The following ARAP2 variants were observed in gnomAD, a reference collection of about 807,000 sequenced individuals.
ARAP2 encodes the protein arf-GAP with Rho-GAP domain, ANK repeat and PH domain-containing protein 2.
In ARAP2, 148 loss-of-function variants were observed where a neutral mutation model predicts 194.5. That is an observed-to-expected ratio of 0.76 (90% confidence interval 0.67 to 0.87). The LOEUF is 0.87. Among genes scored for constraint, ARAP2 ranks in the 40% least tolerant of loss-of-function variants. The pLI, the probability that ARAP2 is intolerant of heterozygous loss-of-function variation, is 0.00. For synonymous variants in ARAP2, 695 were observed against 683.5 expected (o/e 1.02, Z -0.26); for missense variants, 2,128 against 1,989.7 (o/e 1.07, Z -1.32).
intron 1 of ARAP2, among the ~76,000 whole-genome samples, 192 bp from the exon 2 acceptor site, chr4:36,229,837 T>G (rs759057653): frequency 1.3e-5 from 2 of 152,166 alleles, no homozygotes; most frequent in Non-Finnish European, 2.9e-5. Flanking sequence ...AGAAATGCTA[T>G]GACAGCATCA....
chr4:36,131,279 C>G (rs917697288), intron 20 of ARAP2, among the ~76,000 whole-genome samples: 5 of 150,692 alleles, frequency 3.3e-5, no homozygotes, highest in African/African-American at 1.2e-4. Flanking sequence ...TATAGTAGTG[C>G]CCAATATGTG....
chr4:36,050,682 G>C (rs1722516786), intron 3 of ARAP2, among the ~76,000 whole-genome samples: 1 of 152,086 alleles, frequency 6.6e-6, no homozygotes, highest in Non-Finnish European at 1.5e-5. Flanking sequence ...GCATTTCATT[G>C]CTCAAGTGGA....
intron 5 of ARAP2, among the ~76,000 whole-genome samples, chr4:36,029,294 C>T (rs1718511319): frequency 6.6e-6 from 1 of 151,936 alleles, no homozygotes; most frequent in East Asian, 1.9e-4. Flanking sequence ...GTATTTGCTG[C>T]ACTAGTACTC....
intron 5 of ARAP2, among the ~76,000 whole-genome samples, chr4:36,024,280 G>A (rs1717525519): frequency 6.6e-6 from 1 of 152,130 alleles, no homozygotes; most frequent in African/African-American, 2.4e-5. Flanking sequence ...AAATGACATT[G>A]CATACCTGTA....
At chr4:36,172,329 T>A (rs569922406) in intron 9 of ARAP2, among the ~76,000 whole-genome samples, 1 of 152,330 alleles carries the variant, frequency 6.6e-6, no homozygotes, top group East Asian at 1.9e-4. Context: ...CTCAGTTTCC[T>A]TATTTATGAA....
chr4:36,139,802 A>T (rs1038705424), intron 19 of ARAP2, among the ~76,000 whole-genome samples: 4 of 151,634 alleles, frequency 2.6e-5, no homozygotes, highest in African/African-American at 9.7e-5. Flanking sequence ...AGTATGGCTT[A>T]TTTGGAAGCA....
chr4:36,199,564 A>C (rs1048752996), intron 6 of ARAP2, among the ~76,000 whole-genome samples: 19 of 152,220 alleles, frequency 1.2e-4, no homozygotes, highest in Admixed American at 7.8e-4. Context: ...TGCTGGGTTT[A>C]CAGGTGTGAG....
chr4:36,109,215 C>T (rs1234357290), intron 26 of ARAP2, among the ~76,000 whole-genome samples: 1 of 151,722 alleles, frequency 6.6e-6, no homozygotes, highest in East Asian at 1.9e-4. Flanking sequence ...GCTTCCTATC[C>T]AGTAAAGAGA....
At position 36,066,137 on chromosome 4, in the gene ARAP2, A is replaced by G. The variant is rs1336485961; in HGVS notation, c.*1770T>C. On this transcript the variant is annotated 3_prime_UTR_variant, in exon 33 of 33. Transcript: ENST00000303965. The stretch of plus-strand genomic sequence containing the variant: ...AAACAGCTATTAGAGTTTAAGCTCA[A>G]GTTTCAAGAAGAATTCAGATAAGGC... The G allele has an allele frequency of 6.6e-6, 1 of 152,214 alleles. No homozygotes were observed. The highest frequency in any genetic ancestry group is 2.4e-5 in the African/African-American group (1 of 41,468). The allele number at this position is 152,214 out of a possible 1,614,324, so 9.4% of individuals were successfully genotyped here.
intron 4 of ARAP2, among the ~76,000 whole-genome samples, chr4:36,212,913 C>T (rs1747083075): frequency 6.6e-6 from 1 of 151,988 alleles, no homozygotes; most frequent in Non-Finnish European, 1.5e-5. Flanking sequence ...CTTCAGAAGT[C>T]TGCACTTGGC....
chr4:36,197,460 A>G (rs1283461901), intron 6 of ARAP2, among the ~76,000 whole-genome samples: 1 of 152,254 alleles, frequency 6.6e-6, no homozygotes, highest in Non-Finnish European at 1.5e-5. Flanking sequence ...TTTATATGAC[A>G]AAATAAACAC....
chr4:36,057,835 CT>C (rs1723771431), intron 2 of ARAP2: 1 of 149,838 alleles, frequency 6.7e-6, no homozygotes, highest in African/African-American at 2.5e-5. Context: ...TTGGGGATTT[CT>C]TTCTATTGTC....
rs1288913838 is a variant in ARAP2, at chr4:36,067,885, G to C, written c.*22C>G. On this transcript the variant is annotated 3_prime_UTR_variant, in exon 33 of 33. Transcript: ENST00000303965. The stretch of plus-strand genomic sequence containing the variant: ...GCATACAATATTAAAAAAATAATCT[G>C]GGGAGCAATTCATTTTATTTCCTAC... 3 of 1,542,768 alleles carry C rather than the reference G, an allele frequency of 1.9e-6. No homozygotes were observed. The highest frequency in any genetic ancestry group is 1.4e-5 in the African/African-American group (1 of 72,380).
chr4:36,084,309 A>G (rs960649559), intron 28 of ARAP2, among the ~76,000 whole-genome samples: 2 of 152,108 alleles, frequency 1.3e-5, no homozygotes, highest in African/African-American at 2.4e-5. Context: ...AAAATATAAT[A>G]CAATGCATAT....
intron 6 of ARAP2, among the ~76,000 whole-genome samples, chr4:36,198,361 C>T (rs942314210): frequency 6.6e-6 from 1 of 152,190 alleles, no homozygotes; most frequent in African/African-American, 2.4e-5. Context: ...AGAAAAGGCA[C>T]CACAAGTTCC....
intron 18 of ARAP2, 87 bp downstream of exon 18, chr4:36,147,461 A>G: frequency 8.3e-6 from 13 of 1,561,152 alleles, no homozygotes; most frequent in Non-Finnish European, 1.1e-5. Flanking sequence ...GTTTGGGAGT[A>G]AGCCATCAAG....
chr4:36,144,161 TA>T (rs1277431569), intron 19 of ARAP2, among the ~76,000 whole-genome samples: 3 of 150,984 alleles, frequency 2.0e-5, no homozygotes, highest in African/African-American at 2.4e-5. Context: ...CTCCATAGGT[TA>T]AAAAAAAGGG....
In ARAP2 at chr4:36,229,592, A is replaced by AGG; in HGVS notation, c.-107_-106insCC. 1.1e-6 allele frequency: 1 copy of AGG among 876,966 alleles called. No individual in the cohort carries two copies. 54.3% of individuals were successfully genotyped at this position (876,966 alleles called of 1,614,324 possible). On this transcript the variant is annotated 5_prime_UTR_variant, in exon 2 of 33. Coordinates refer to ENST00000303965, the MANE Select transcript of ARAP2 (RefSeq NM_015230.4). ...GCTTTTCCTCTATCAATTGTGACAGAAAAGTTTCTTAAAATGTTATTTTCT... is the reference window on the plus strand; with the variant it reads ...GCTTTTCCTCTATCAATTGTGACAGAGGAAAGTTTCTTAAAATGTTATTTTCT...
At chr4:36,229,706 T>C (rs73809157) in intron 1 of ARAP2, 61 bp from the exon 2 acceptor site, 8,255 of 375,230 alleles carry the variant, frequency 0.022, 137 homozygotes, top group African/African-American at 0.055. Context: ...TACTTTTATA[T>C]ACTTTCTCTG....
Sources: gnomAD v4.1 joint callset for allele counts (sites outside exome capture counted in the v4.1 genomes callset) on GRCh38, gnomAD v4.1.1 for gene constraint, MANE v1.5 for transcripts, NCBI Gene and HGNC (gene_info 2026-07-23, HGNC 2026-07-21) for gene names.